CNTN4: variants seen among roughly 807,000 people sequenced by gnomAD.
The protein encoded by CNTN4 is contactin-4.
A neutral mutation model predicts 122.5 loss-of-function variants in CNTN4; 77 were observed. The ratio of observed to expected loss-of-function variants is 0.63; its 90% confidence interval spans 0.52 to 0.76. CNTN4 has a LOEUF of 0.76. CNTN4 is among the 30% of genes least tolerant of loss of function. The probability of loss-of-function intolerance (pLI) is 0.00; values close to 1 mark genes in which losing one functional copy is unlikely to be tolerated. For synonymous variants in CNTN4, 512 were observed against 447.0 expected, an observed-to-expected ratio of 1.15 and a Z score of -1.83; for missense variants, 1,256 against 1,259.1, an observed-to-expected ratio of 1.00 and a Z score of 0.04.
Position 2,568,647 on chromosome 3 carries a change from G to A in CNTN4, c.-88-2769G>A, listed in dbSNP as rs2079288290. On this transcript the variant is annotated intron_variant, in intron 3 of 24. Coordinates refer to ENST00000418658, the MANE Select transcript of CNTN4 (RefSeq NM_175607.3). ...TATCCTGCACCAGAGTCCCACGTGA[G>A]ATTCATGAATCTTCAGCTCCCTTCA... Among the ~76,000 whole-genome samples, 3 of 152,148 alleles carry A rather than the reference G, an allele frequency of 2.0e-5. No homozygotes were observed. In the South Asian group the frequency reaches 6.2e-4, roughly 32 times the overall value.
At chr3:2,483,865 G>T (rs892293045) in intron 3 of CNTN4, among the ~76,000 whole-genome samples, 1 of 152,138 alleles carries the variant, frequency 6.6e-6, no homozygotes, top group Non-Finnish European at 1.5e-5. Context: ...CGTGAGAACA[G>T]ACTAATACTG....
intron 1 of CNTN4, among the ~76,000 whole-genome samples, chr3:2,100,034 G>C (rs929301530): frequency 2.6e-5 from 4 of 152,222 alleles, no homozygotes; most frequent in African/African-American, 9.6e-5. Context: ...GGGAAGATCA[G>C]GCGGTTGCTT....
chr3:2,721,342 C>T (rs2087840109), intron 4 of CNTN4, among the ~76,000 whole-genome samples: 1 of 152,158 alleles, frequency 6.6e-6, no homozygotes, highest in Admixed American at 6.5e-5. Context: ...AGAAACAAAT[C>T]ATGGTAGTGG....
At chr3:2,582,079 T>C (rs1404121586) in intron 4 of CNTN4, among the ~76,000 whole-genome samples, 2 of 152,204 alleles carry the variant, frequency 1.3e-5, no homozygotes, top group African/African-American at 2.4e-5. Flanking sequence ...GCGGTGATGG[T>C]CACTCAACCT....
At chr3:2,618,991 C>T (rs1400713036) in intron 4 of CNTN4, among the ~76,000 whole-genome samples, 1 of 152,176 alleles carries the variant, frequency 6.6e-6, no homozygotes, top group East Asian at 1.9e-4. Flanking sequence ...CTGTAAAATA[C>T]AGGATATGTT....
intron 6 of CNTN4, among the ~76,000 whole-genome samples, chr3:2,760,011 T>C (rs1050296048): frequency 2.6e-5 from 4 of 152,250 alleles, no homozygotes; most frequent in African/African-American, 9.6e-5. Flanking sequence ...TTTGCTCATT[T>C]TTAATCCTTT....
intron 3 of CNTN4, among the ~76,000 whole-genome samples, chr3:2,435,073 A>C (rs1193551312): frequency 6.6e-6 from 1 of 152,214 alleles, no homozygotes; most frequent in Non-Finnish European, 1.5e-5. Flanking sequence ...CCAATTATCT[A>C]AATCATTTAA....
intron 24 of CNTN4, 111 bp from the exon 25 acceptor site, chr3:3,056,009 T>C: frequency 1.4e-6 from 1 of 722,380 alleles, no homozygotes; most frequent in Non-Finnish European, 2.4e-6. Context: ...ACCTTGATCA[T>C]CATTTCCAGT....
At chr3:2,850,186 C>T (rs1196715843) in intron 7 of CNTN4, among the ~76,000 whole-genome samples, 6 of 152,040 alleles carry the variant, frequency 3.9e-5, no homozygotes, top group African/African-American at 1.4e-4. Flanking sequence ...GACCAGGTTT[C>T]ACCATGTTGG....
At chr3:2,881,875 C>T (rs1474887601) in intron 8 of CNTN4, among the ~76,000 whole-genome samples, 1 of 152,180 alleles carries the variant, frequency 6.6e-6, no homozygotes, top group Non-Finnish European at 1.5e-5. Flanking sequence ...GTCTCTTTTT[C>T]CTCTGACTAT....
chr3:2,732,059 A>G (rs2088724868), intron 4 of CNTN4, among the ~76,000 whole-genome samples: 1 of 152,176 alleles, frequency 6.6e-6, no homozygotes, highest in African/African-American at 2.4e-5. Context: ...CCTCTCAACT[A>G]TTAGTCCAGG....
chr3:2,447,910 T>G (rs1401449115), intron 3 of CNTN4, among the ~76,000 whole-genome samples: 1 of 152,132 alleles, frequency 6.6e-6, no homozygotes, highest in Non-Finnish European at 1.5e-5. Context: ...GAAATGTAGG[T>G]TTGGCATTGG....
chr3:2,894,107 G>T (rs909004682), intron 10 of CNTN4, among the ~76,000 whole-genome samples: 2 of 152,050 alleles, frequency 1.3e-5, no homozygotes, highest in Non-Finnish European at 2.9e-5. Context: ...GAGTAGCTTG[G>T]TTTATATTTT....
intron 4 of CNTN4, among the ~76,000 whole-genome samples, chr3:2,732,027 A>C (rs1387286480): frequency 6.6e-6 from 1 of 152,082 alleles, no homozygotes; most frequent in Non-Finnish European, 1.5e-5. Flanking sequence ...CAGTTTTATA[A>C]CTTTCTGTTC....
intron 2 of CNTN4, among the ~76,000 whole-genome samples, chr3:2,197,732 C>T (rs1417124270): frequency 6.6e-6 from 1 of 152,036 alleles, no homozygotes; most frequent in East Asian, 1.9e-4. Context: ...CTAGAGAATT[C>T]TGTCCAGGCA....
intron 2 of CNTN4, among the ~76,000 whole-genome samples, chr3:2,287,632 G>GAAGAAGA (rs2041954544): frequency 8.1e-5 from 4 of 49,476 alleles, no homozygotes; most frequent in Non-Finnish European, 1.3e-4. Context: ...GAAGGAGAAG[G>GAAGAAGA]AGAAGAAGAA....
At chr3:2,545,939 A>G (rs573527748) in intron 3 of CNTN4, among the ~76,000 whole-genome samples, 1 of 152,130 alleles carries the variant, frequency 6.6e-6, no homozygotes, top group Non-Finnish European at 1.5e-5. Context: ...TAATCATTAG[A>G]TTAATGCAAA....
chr3:2,277,530 T>TGGGCAAGA (rs2041561148), intron 2 of CNTN4, among the ~76,000 whole-genome samples: 1 of 152,206 alleles, frequency 6.6e-6, no homozygotes, highest in Admixed American at 6.5e-5. Flanking sequence ...TTTTTCTTTC[T>TGGGCAAGA]GGTCTCCCCC....
At chr3:2,272,550 T>C (rs917241822) in intron 2 of CNTN4, among the ~76,000 whole-genome samples, 8 of 152,190 alleles carry the variant, frequency 5.3e-5, no homozygotes, top group African/African-American at 1.9e-4. Flanking sequence ...TCTTTGTGCA[T>C]ACCAATTTAC....
Sources: gnomAD v4.1 joint callset for allele counts (sites outside exome capture counted in the v4.1 genomes callset) on GRCh38, gnomAD v4.1.1 for gene constraint, MANE v1.5 for transcripts, NCBI Gene and HGNC (gene_info 2026-07-23, HGNC 2026-07-21) for gene names.